Variants in CDH18 observed in about 807,000 individuals in gnomAD.
The protein encoded by CDH18 is cadherin 18, also known as cadherin-18.
Under a neutral mutation model 67.9 loss-of-function variants are expected in CDH18, and 31 were observed. The observed-to-expected ratio is 0.46, with a 90% CI of 0.34 to 0.62. CDH18 has a LOEUF of 0.62. CDH18 is among the 20% of genes least tolerant of loss of function. CDH18 has a pLI of 0.01. For missense variants in CDH18, 890 were observed against 975.5 expected, an observed-to-expected ratio of 0.91 and a Z score of 1.17; for synonymous variants, 362 against 347.2, an observed-to-expected ratio of 1.04 and a Z score of -0.48.
chr5:20,382,227 C>T (rs1743966726), intron 1 of CDH18, among the ~76,000 whole-genome samples: 1 of 152,092 alleles, frequency 6.6e-6, no homozygotes, highest in Non-Finnish European at 1.5e-5. Context: ...AGAAGTGAGA[C>T]AATACCTTCT....
Position 19,571,747 on chromosome 5 carries a change from C to T in CDH18, c.1085G>A (p.Gly362Asp). Reference protein sequence around the residue: ...THLDFRFSHLGPFKDATMLKI... With the variant: ...THLDFRFSHLDPFKDATMLKI... ...CAGCATAGTAGCATCTTTAAAAGGA[C>T]CCAAGTGAGAAAAGCGAAAATCAAG... is the stretch of plus-strand genomic sequence containing the variant. The change falls in exon 8 of 13, where the codon GGT becomes GAT. Residue 362 changes from glycine (G) to aspartate (D), a missense_variant. By Grantham distance (94) the Gly-to-Asp change is moderately conservative. Transcript: ENST00000382275. The T allele has an allele frequency of 6.2e-7, 1 of 1,613,824 alleles. No homozygotes were observed. Among genetic ancestry groups the T allele is most frequent in the Admixed American group, 1.7e-5 (1 of 60,008 alleles).
chr5:19,884,668 T>A (rs1239845075), intron 2 of CDH18, among the ~76,000 whole-genome samples: 1 of 152,028 alleles, frequency 6.6e-6, no homozygotes, highest in Admixed American at 6.6e-5. Flanking sequence ...TATAAACGTT[T>A]TAAATACTTG....
intron 2 of CDH18, among the ~76,000 whole-genome samples, chr5:20,122,605 C>A (rs1449618374): frequency 6.6e-6 from 1 of 151,612 alleles, no homozygotes; most frequent in Non-Finnish European, 1.5e-5. Context: ...ATTTAAATGC[C>A]TCAACTTATT....
intron 8 of CDH18, among the ~76,000 whole-genome samples, chr5:19,562,435 T>C (rs1302603559): frequency 6.6e-6 from 1 of 152,118 alleles, no homozygotes; most frequent in African/African-American, 2.4e-5. Flanking sequence ...ATTTCAAAAG[T>C]AGAGAAGAAA....
chr5:20,117,856 CT>C (rs1396228799), intron 2 of CDH18, among the ~76,000 whole-genome samples: 1 of 152,104 alleles, frequency 6.6e-6, no homozygotes, highest in African/African-American at 2.4e-5. Flanking sequence ...TTAACATTAA[CT>C]TTTTTTAAAA....
chr5:19,493,061 T>G (rs1363901942), intron 11 of CDH18, among the ~76,000 whole-genome samples: 1 of 152,176 alleles, frequency 6.6e-6, no homozygotes, highest in Non-Finnish European at 1.5e-5. Context: ...CTCTATGTTG[T>G]TTTAATCTAC....
chr5:19,921,524 C>G (rs1367430752), intron 2 of CDH18, among the ~76,000 whole-genome samples: 1 of 146,780 alleles, frequency 6.8e-6, no homozygotes, highest in African/African-American at 2.6e-5. Flanking sequence ...TAGCGAGACT[C>G]CGTCTCAAAA....
chr5:20,215,589 A>G (rs1740704585), intron 2 of CDH18, among the ~76,000 whole-genome samples: 1 of 151,884 alleles, frequency 6.6e-6, no homozygotes, highest in Admixed American at 6.6e-5. Context: ...AAGAGCTAAA[A>G]TGAGCTACCA....
At chr5:19,817,070 A>G (rs1390718231) in intron 3 of CDH18, among the ~76,000 whole-genome samples, 3 of 151,900 alleles carry the variant, frequency 2.0e-5, no homozygotes, top group African/African-American at 7.2e-5. Context: ...GGCCATAAAT[A>G]GGCAGTTAAT....
chr5:19,631,230 C>T lies in CDH18; in HGVS notation c.644-18629G>A, dbSNP rs79527849. Reference sequence around the variant, plus strand: ...TCGATCATAAGCCTGAAATATTTCACGCATATGAATAATTGAGAAGATGTA... The same window carrying T: ...TCGATCATAAGCCTGAAATATTTCATGCATATGAATAATTGAGAAGATGTA... On this transcript the variant is annotated intron_variant, in intron 5 of 12. Coordinates refer to ENST00000382275, the MANE Select transcript of CDH18 (RefSeq NM_004934.5). 1.2e-4 allele frequency among the ~76,000 whole-genome samples: 18 copies of T among 152,000 alleles called. No homozygotes were observed. In the East Asian group the frequency reaches 2.5e-3, roughly 21 times the overall value.
At chr5:19,521,655 T>C (rs962951861) in intron 9 of CDH18, among the ~76,000 whole-genome samples, 9 of 151,876 alleles carry the variant, frequency 5.9e-5, no homozygotes, top group East Asian at 5.8e-4. Context: ...TAAATACTTA[T>C]AGAGAAGTTA....
chr5:19,504,911 T>G (rs1743849782), intron 10 of CDH18, among the ~76,000 whole-genome samples: 1 of 152,156 alleles, frequency 6.6e-6, no homozygotes. Context: ...CTGTTATCAC[T>G]GCTGTGGGAT....
intron 4 of CDH18, among the ~76,000 whole-genome samples, chr5:19,735,692 G>C (rs190700688): frequency 2.6e-5 from 4 of 152,242 alleles, no homozygotes; most frequent in Admixed American, 2.6e-4. Context: ...ACTGTGCCCA[G>C]CCGATACTGG....
chr5:20,039,299 C>T (rs976408198), intron 2 of CDH18, among the ~76,000 whole-genome samples: 1 of 152,050 alleles, frequency 6.6e-6, no homozygotes, highest in African/African-American at 2.4e-5. Flanking sequence ...AATGCTATCC[C>T]CATCAAGCTA....
chr5:20,441,880 G>T (rs1357015743), intron 1 of CDH18, among the ~76,000 whole-genome samples: 2 of 151,704 alleles, frequency 1.3e-5, no homozygotes, highest in Non-Finnish European at 2.9e-5. Context: ...TGCTTATTAT[G>T]TGCATAACAC....
chr5:20,037,937 C>T (rs890596282), intron 2 of CDH18, among the ~76,000 whole-genome samples: 21 of 151,644 alleles, frequency 1.4e-4, no homozygotes, highest in African/African-American at 4.3e-4. Flanking sequence ...AAAAGATTAA[C>T]AAAATAGACT....
chr5:19,827,148 G>A (rs1780497596), intron 3 of CDH18, among the ~76,000 whole-genome samples: 1 of 152,030 alleles, frequency 6.6e-6, no homozygotes. Context: ...AGTGTTACAT[G>A]ATGGGAAAGG....
At chr5:20,285,983 A>G (rs1746669519) in intron 1 of CDH18, among the ~76,000 whole-genome samples, 1 of 151,668 alleles carries the variant, frequency 6.6e-6, no homozygotes, top group African/African-American at 2.4e-5. Context: ...TTTTACTGTC[A>G]GCAACATATT....
chr5:20,303,715 G>T (rs1208215421), intron 1 of CDH18, among the ~76,000 whole-genome samples: 2 of 152,126 alleles, frequency 1.3e-5, no homozygotes, highest in African/African-American at 4.8e-5. Context: ...CCCACGGGTT[G>T]TAAGAGCCTT....
Sources: allele counts gnomAD v4.1 joint callset (sites outside exome capture counted in the v4.1 genomes callset), GRCh38; gene constraint gnomAD v4.1.1; transcripts MANE v1.5; gene names NCBI Gene and HGNC (gene_info 2026-07-23, HGNC 2026-07-21).